The following RIMKLB variants were observed in gnomAD, a reference collection of about 807,000 sequenced individuals.
The protein encoded by RIMKLB is ribosomal modification protein rimK like family member B.
RIMKLB carries 7 observed loss-of-function variants against 32.0 expected under a neutral mutation model. That is an observed-to-expected ratio of 0.22 (90% CI 0.12 to 0.41). RIMKLB has a LOEUF of 0.41. RIMKLB is among the 10% of genes least tolerant of loss of function. The pLI, the probability that RIMKLB is intolerant of heterozygous loss-of-function variation, is 1.00. For missense variants in RIMKLB, 289 were observed against 498.7 expected (o/e 0.58, Z 4.00); for synonymous variants, 172 against 185.1 (o/e 0.93, Z 0.57).
At chr12:8,754,387 T>C (rs1948852676) in intron 5 of RIMKLB, among the ~76,000 whole-genome samples, 1 of 152,220 alleles carries the variant, frequency 6.6e-6, no homozygotes, top group Non-Finnish European at 1.5e-5. Flanking sequence ...GATTCCCTCT[T>C]TGGTGATGTA....
intron 2 of RIMKLB, among the ~76,000 whole-genome samples, chr12:8,749,120 G>C (rs1948408603): frequency 6.6e-6 from 1 of 151,968 alleles, no homozygotes; most frequent in Non-Finnish European, 1.5e-5. Flanking sequence ...ATTGAGAATT[G>C]CATAGGGCAC....
intron 2 of RIMKLB, among the ~76,000 whole-genome samples, chr12:8,727,319 C>T (rs111685867): frequency 0.033 from 5,034 of 152,290 alleles, 282 homozygotes; most frequent in African/African-American, 0.11. Context: ...ACTGCAACCT[C>T]TGCCTCCCAG....
Position 8,713,811 on chromosome 12 carries a change from G to A in RIMKLB, c.-56G>A, listed in dbSNP as rs774789495. ...TATGTATATTTTTTCTTCCATCTAG[G>A]TAGACGTTACATCCAAGAGGAAATA... On this transcript the variant is annotated splice_region_variant and 5_prime_UTR_variant, in exon 2 of 6. Transcript: ENST00000535829. 6.4e-7 allele frequency: 1 copy of A among 1,562,012 alleles called. No homozygotes were observed. Among genetic ancestry groups the A allele is most frequent in the Non-Finnish European group, 8.8e-7 (1 of 1,132,838 alleles).
chr12:8,721,445 C>T (rs999584534), intron 2 of RIMKLB, among the ~76,000 whole-genome samples: 2 of 152,208 alleles, frequency 1.3e-5, no homozygotes, highest in African/African-American at 2.4e-5. Context: ...GTCGTCATTT[C>T]AACAATGTTC....
At chr12:8,707,380 A>T (rs1394279413) in intron 1 of RIMKLB, among the ~76,000 whole-genome samples, 1 of 152,242 alleles carries the variant, frequency 6.6e-6, no homozygotes, top group Admixed American at 6.5e-5. Flanking sequence ...CGTGTATGTT[A>T]TAAAGGATAC....
At chr12:8,674,932 T>C in the RIMKLB span, among the ~76,000 whole-genome samples, 9 of 150,130 alleles carry the variant, frequency 6.0e-5, no homozygotes, top group Admixed American at 6.0e-4. Context: ...GGCACGATCT[T>C]GGCTCACTGC....
At chr12:8,777,842 A>C, downstream of RIMKLB, 1 of 354,076 alleles carries the variant, frequency 2.8e-6, no homozygotes, top group Non-Finnish European at 4.1e-6. Flanking sequence ...TCACTAGGCT[A>C]ACTTTCTTTT....
intron 1 of RIMKLB, among the ~76,000 whole-genome samples, chr12:8,708,132 A>G (rs369424693): frequency 6.6e-5 from 10 of 152,178 alleles, no homozygotes; most frequent in African/African-American, 1.9e-4. Flanking sequence ...GTAGAGTTCT[A>G]TACAGATTCT....
chr12:8,695,448 AT>A (rs1942859289), upstream of RIMKLB, among the ~76,000 whole-genome samples: 1 of 152,026 alleles, frequency 6.6e-6, no homozygotes, highest in East Asian at 1.9e-4. Flanking sequence ...GGTGTAAATA[AT>A]TTTTGCCCCC....
Position 8,773,700 on chromosome 12 carries a change from G to A in RIMKLB, c.1077G>A (p.Glu359=), listed in dbSNP as rs751400037. The change falls in exon 6 of 6, where the codon GAG becomes GAA. Residue 359 remains glutamate (E), a synonymous_variant. Transcript: ENST00000535829. ...TTGACAGCGACCCTGAAAGCACGGA[G>A]CGAGAGCTGCTCACCAAGCTCCCAG... The part of the protein sequence containing the change: ...SSVDSDPEST[E]RELLTKLPGG... 6.2e-7 allele frequency: 1 copy of A among 1,614,258 alleles called. No individual in the cohort carries two copies. Among genetic ancestry groups the A allele is most frequent in the South Asian group, 1.1e-5 (1 of 91,090 alleles).
rs1419155565 is a variant in RIMKLB at position 8,774,062 on chromosome 12, C to T, written c.*278C>T. ...TAAATTGCTAAAAAATGTGTATGCT[C>T]ATAGGCCATGAGGAACAAATACTTT... On this transcript the variant is annotated 3_prime_UTR_variant, in exon 6 of 6. Coordinates refer to ENST00000535829, the MANE Select transcript of RIMKLB (RefSeq NM_001297776.2). The T allele has an allele frequency of 2.5e-5, 29 of 1,179,786 alleles. No homozygotes were observed. Among genetic ancestry groups the T allele is most frequent in the African/African-American group, 3.1e-5 (2 of 63,928 alleles). The allele number at this position is 1,179,786 out of a possible 1,614,324, so 73.1% of individuals were successfully genotyped here.
chr12:8,726,427 G>A (rs1382745920), intron 2 of RIMKLB, among the ~76,000 whole-genome samples: 1 of 151,918 alleles, frequency 6.6e-6, no homozygotes, highest in Non-Finnish European at 1.5e-5. Context: ...AGATCCCTTT[G>A]TATATTTTAC....
At chr12:8,725,892 G>GGCT (rs766593906) in intron 2 of RIMKLB, among the ~76,000 whole-genome samples, 9 of 151,638 alleles carry the variant, frequency 5.9e-5, no homozygotes, top group Non-Finnish European at 1.3e-4. Context: ...GTGTCACCCA[G>GGCT]GCTGGAGTGC....
intron 2 of RIMKLB, chr12:8,742,815 AG>A (rs779319283): frequency 1.5e-5 from 3 of 204,770 alleles, no homozygotes; most frequent in Non-Finnish European, 3.0e-5. Context: ...ATTGATCCCA[AG>A]GCTGACCACC....
At chr12:8,751,887 G>C (rs1948648146) in intron 3 of RIMKLB, 70 bp from the exon 4 acceptor site, 2 of 990,638 alleles carry the variant, frequency 2.0e-6, no homozygotes, top group African/African-American at 1.6e-5. Flanking sequence ...GTTGTCTTTA[G>C]CGTTGATAAA....
At chr12:8,777,568 C>T (rs950874114), downstream of RIMKLB, 1 of 1,279,748 alleles carries the variant, frequency 7.8e-7, no homozygotes. Flanking sequence ...TAACTGCTTG[C>T]ACTGTTACTG....
At position 8,774,417 on chromosome 12, in the gene RIMKLB, G is replaced by T. The variant is rs866837793; in HGVS notation, c.*633G>T. On this transcript the variant is annotated 3_prime_UTR_variant, in exon 6 of 6. Transcript: ENST00000535829. ...TCTTAATGACAAAATTGGCATGTTT[G>T]CATGATGAAATGGAAATGAACAGTA... 6.1e-6 allele frequency: 6 copies of T among 985,604 alleles called. No individual in the cohort carries two copies. The highest frequency in any genetic ancestry group is 5.2e-4 in the Middle Eastern group (1 of 1,914). 61.1% of individuals were successfully genotyped at this position (985,604 alleles called of 1,614,324 possible). A position where few individuals can be genotyped will look rare whatever the true frequency, so the allele number is the denominator to read the frequency against.
intron 5 of RIMKLB, among the ~76,000 whole-genome samples, chr12:8,771,125 C>G (rs1031503820): frequency 2.0e-5 from 3 of 151,968 alleles, no homozygotes; most frequent in Non-Finnish European, 4.4e-5. Context: ...TTTTGATATC[C>G]AATTGGATAG....
chr12:8,723,982 A>AGTTTT (rs75784732), intron 2 of RIMKLB, among the ~76,000 whole-genome samples: 3,675 of 150,930 alleles, frequency 0.024, 50 homozygotes, highest in African/African-American at 0.039. Flanking sequence ...TGCCTGGCTA[A>AGTTTT]GTTTTGTTTT....
Sources: gnomAD v4.1 joint callset for allele counts (sites outside exome capture counted in the v4.1 genomes callset) on GRCh38, gnomAD v4.1.1 for gene constraint, MANE v1.5 for transcripts, NCBI Gene and HGNC (gene_info 2026-07-23, HGNC 2026-07-21) for gene names.